The following ADAMTSL3 variants were observed in gnomAD, a reference collection of about 807,000 sequenced individuals.
ADAMTSL3 encodes the protein ADAMTS like 3, also known as ADAMTS-like protein 3.
ADAMTSL3 carries 128 observed loss-of-function variants against 201.7 expected under a neutral mutation model. The ratio of observed to expected loss-of-function variants is 0.63; its 90% CI spans 0.55 to 0.73. The LOEUF (loss-of-function observed/expected upper bound fraction) is 0.73, where lower values mean the gene tolerates loss of function less well. Among genes scored for constraint, ADAMTSL3 ranks in the 30% least tolerant of loss-of-function variants. The pLI is 0.00. For missense variants in ADAMTSL3, 1,990 were observed against 2,119.6 expected, an observed-to-expected ratio of 0.94 and a Z score of 1.20; for synonymous variants, 738 against 748.4, an observed-to-expected ratio of 0.99 and a Z score of 0.23.
intron 3 of ADAMTSL3, chr15:83,739,921 G>A (rs1567111576): frequency 1.2e-5 from 7 of 574,534 alleles, no homozygotes; most frequent in Non-Finnish European, 1.7e-5. Context: ...GAGAGAAGAC[G>A]CATCCTTCAA....
At chr15:83,784,435 T>G (rs778923078) in intron 4 of ADAMTSL3, among the ~76,000 whole-genome samples, 7 of 152,192 alleles carry the variant, frequency 4.6e-5, no homozygotes, top group Non-Finnish European at 8.8e-5. Flanking sequence ...ACCCTATGTA[T>G]AGCAATAATC....
chr15:83,684,186 A>G (rs2061509598), intron 2 of ADAMTSL3, among the ~76,000 whole-genome samples: 1 of 152,194 alleles, frequency 6.6e-6, no homozygotes, highest in South Asian at 2.1e-4. Flanking sequence ...TAGTTTGTTA[A>G]TAATTAAATG....
At chr15:83,904,350 A>G (rs2065794996) in intron 15 of ADAMTSL3, among the ~76,000 whole-genome samples, 1 of 151,860 alleles carries the variant, frequency 6.6e-6, no homozygotes, top group South Asian at 2.1e-4. Flanking sequence ...ACCGCAACAT[A>G]TCTCAGCTTC....
intron 4 of ADAMTSL3, among the ~76,000 whole-genome samples, chr15:83,782,570 C>T (rs1028116516): frequency 1.3e-5 from 2 of 152,074 alleles, no homozygotes; most frequent in African/African-American, 2.4e-5. Flanking sequence ...ATGTCTTGTG[C>T]AGGAACATGG....
chr15:83,703,115 A>G (rs765254553), intron 2 of ADAMTSL3, among the ~76,000 whole-genome samples: 11 of 152,110 alleles, frequency 7.2e-5, no homozygotes, highest in Non-Finnish European at 1.2e-4. Flanking sequence ...TAGATTTTGG[A>G]CTTGCATGTG....
intron 19 of ADAMTSL3, among the ~76,000 whole-genome samples, chr15:83,964,232 T>C (rs1345505643): frequency 2.0e-5 from 3 of 151,918 alleles, no homozygotes; most frequent in African/African-American, 7.3e-5. Flanking sequence ...TCCTCCAAGT[T>C]AAAGGAGCAT....
rs927087105 is a variant in ADAMTSL3 at position 83,770,791 on chromosome 15, C to T, written c.190-2732C>T. Among the ~76,000 whole-genome samples, 8 of 152,188 alleles carry T rather than the reference C, an allele frequency of 5.3e-5. No homozygotes were observed. In the East Asian group the frequency reaches 9.7e-4, roughly 18 times the overall value. On this transcript the variant is annotated intron_variant, in intron 3 of 29. Coordinates refer to ENST00000286744, the MANE Select transcript of ADAMTSL3 (RefSeq NM_207517.3). ...TGATTTTTAAAAACACAAAACACGCCGGGCATGGTGGCTCATGCCTGTAAT... is the reference window on the plus strand; with the variant it reads ...TGATTTTTAAAAACACAAAACACGCTGGGCATGGTGGCTCATGCCTGTAAT...
chr15:83,820,643 G>A (rs2063848512), intron 6 of ADAMTSL3, among the ~76,000 whole-genome samples: 1 of 152,104 alleles, frequency 6.6e-6, no homozygotes, highest in African/African-American at 2.4e-5. Context: ...TCATTGTTTT[G>A]GATCTTTGGG....
At chr15:83,675,059 A>T (rs2061384254) in intron 2 of ADAMTSL3, among the ~76,000 whole-genome samples, 1 of 151,936 alleles carries the variant, frequency 6.6e-6, no homozygotes, top group Non-Finnish European at 1.5e-5. Flanking sequence ...TTGCTAATAC[A>T]CAGAAATACA....
intron 17 of ADAMTSL3, among the ~76,000 whole-genome samples, chr15:83,928,897 G>T (rs2066297357): frequency 6.6e-6 from 1 of 151,954 alleles, no homozygotes; most frequent in African/African-American, 2.4e-5. Context: ...TATGGTTTTT[G>T]TTCTCTGATA....
intron 6 of ADAMTSL3, among the ~76,000 whole-genome samples, chr15:83,827,920 G>A (rs2064061771): frequency 6.6e-6 from 1 of 152,142 alleles, no homozygotes; most frequent in Non-Finnish European, 1.5e-5. Context: ...GGTTACTGTA[G>A]CCTTGTAGTA....
At chr15:83,845,783 C>G (rs2064485670) in intron 7 of ADAMTSL3, among the ~76,000 whole-genome samples, 1 of 152,098 alleles carries the variant, frequency 6.6e-6, no homozygotes, top group South Asian at 2.1e-4. Flanking sequence ...TTAGATACAC[C>G]ACAAGAATGA....
chr15:83,817,348 A>T (rs1293206976), intron 5 of ADAMTSL3, among the ~76,000 whole-genome samples: 2 of 152,220 alleles, frequency 1.3e-5, no homozygotes, highest in Non-Finnish European at 2.9e-5. Context: ...TAAACCATTC[A>T]TCTAAATAAA....
At chr15:83,695,065 G>A (rs1209501536) in intron 2 of ADAMTSL3, among the ~76,000 whole-genome samples, 1 of 148,542 alleles carries the variant, frequency 6.7e-6, no homozygotes, top group African/African-American at 2.5e-5. Flanking sequence ...TTTGTGGCGT[G>A]TGCATGTATG....
chr15:83,714,407 T>C (rs1036089115), intron 3 of ADAMTSL3, among the ~76,000 whole-genome samples: 1 of 152,204 alleles, frequency 6.6e-6, no homozygotes, highest in Non-Finnish European at 1.5e-5. Flanking sequence ...TGATGAAGCT[T>C]GTATGTTTCC....
intron 6 of ADAMTSL3, among the ~76,000 whole-genome samples, chr15:83,831,100 G>A (rs913210455): frequency 6.6e-6 from 1 of 152,174 alleles, no homozygotes; most frequent in Admixed American, 6.5e-5. Context: ...TTCCTTGCTT[G>A]TGGAAGCATC....
At chr15:83,886,828 C>T (rs1333232041) in intron 10 of ADAMTSL3, among the ~76,000 whole-genome samples, 2 of 152,194 alleles carry the variant, frequency 1.3e-5, no homozygotes, top group Non-Finnish European at 2.9e-5. Flanking sequence ...TTTAGGCTCC[C>T]CCTAAAACAA....
intron 15 of ADAMTSL3, among the ~76,000 whole-genome samples, chr15:83,903,787 A>G (rs1385176367): frequency 6.6e-6 from 1 of 150,986 alleles, no homozygotes; most frequent in East Asian, 1.9e-4. Context: ...GTGTGGTGGT[A>G]CATGCTTGTA....
intron 6 of ADAMTSL3, among the ~76,000 whole-genome samples, chr15:83,831,611 C>T (rs780937529): frequency 2.6e-5 from 4 of 152,164 alleles, no homozygotes; most frequent in Non-Finnish European, 5.9e-5. Flanking sequence ...TCATTGCAGC[C>T]TTGACCTCCT....
Sources: allele counts gnomAD v4.1 joint callset (sites outside exome capture counted in the v4.1 genomes callset), GRCh38; gene constraint gnomAD v4.1.1; transcripts MANE v1.5; gene names NCBI Gene and HGNC (gene_info 2026-07-23, HGNC 2026-07-21).